Variants in ZNF385A observed in about 807,000 individuals in gnomAD.
ZNF385A encodes zinc finger protein 385A, also known as hematopoietic zinc finger protein.
ZNF385A carries 14 observed loss-of-function variants against 32.1 expected under a neutral mutation model. The observed-to-expected ratio is 0.44, with a 90% CI of 0.29 to 0.68. The LOEUF (loss-of-function observed/expected upper bound fraction) is 0.68. Among genes scored for constraint, ZNF385A ranks in the 30% least tolerant of loss-of-function variants. The pLI is 0.14. For synonymous variants in ZNF385A, 197 were observed against 202.7 expected (o/e 0.97, Z 0.24); for missense variants, 406 against 478.4 (o/e 0.85, Z 1.41).
Position 54,370,481 on chromosome 12 carries a change from C to A in ZNF385A, c.876G>T (p.Thr292=). ...TGGGCAGCTCCTTGGAGAAAGTCAG[C>A]GTGCCCTGAAGCGGGCGAAAGGCGG... The part of the protein sequence containing the change: ...KSRGAGELAG[T]LTFSKELPKS... The change falls in exon 7 of 7, where the codon ACG becomes ACT. Residue 292 remains threonine, a synonymous_variant. Transcript: ENST00000394313. The surrounding 1 kb of genome is among the most constrained non-coding windows in gnomAD (Gnocchi z 5.5). 1.9e-6 allele frequency: 3 copies of A among 1,551,216 alleles called. 1 individual carries two copies. Among genetic ancestry groups the A allele is most frequent in the Middle Eastern group, 1.7e-4 (1 of 5,988 alleles).
upstream of ZNF385A, among the ~76,000 whole-genome samples, chr12:54,386,411 C>T (rs909137412): frequency 2.6e-5 from 4 of 151,944 alleles, no homozygotes; most frequent in Admixed American, 6.6e-5. Context: ...GCAGACAGAC[C>T]GAGAGACAGA....
chr12:54,375,770 G>C, intron 2 of ZNF385A, 74 bp downstream of exon 2: 1 of 1,288,004 alleles, frequency 7.8e-7, no homozygotes, highest in African/African-American at 1.5e-5. Context: ...TTCTCACCCA[G>C]CCTCTGCCCT....
At chr12:54,371,351 C>G (rs74089971) in intron 4 of ZNF385A, 122 bp downstream of exon 4, 3 of 1,349,872 alleles carry the variant, frequency 2.2e-6, no homozygotes, top group African/African-American at 2.9e-5. Flanking sequence ...GAGAAGGAGA[C>G]AGGCAGATAG....
In ZNF385A at chr12:54,378,453, G is replaced by A. The variant is rs1185609268; in HGVS notation, c.88-2499C>T. 2.0e-5 allele frequency among the ~76,000 whole-genome samples: 3 copies of A among 152,126 alleles called. No homozygotes were observed. The South Asian group carries it at 6.2e-4, about 31-fold the overall frequency. The stretch of plus-strand genomic sequence containing the variant: ...ACATGAAGGGGAACCGCTCCCTGAC[G>A]CTGGGGCAAAATGAATCAGGAAGGG... On this transcript the variant is annotated intron_variant, in intron 1 of 6. Transcript: ENST00000394313.
At position 54,370,137 on chromosome 12, in the gene ZNF385A, TGGGG is replaced by T; in HGVS notation, c.*115_*118del. On this transcript the variant is annotated 3_prime_UTR_variant, in exon 7 of 7. Transcript: ENST00000394313. This position sits in a 1 kb window ranked among gnomAD's most constrained non-coding sequence, Gnocchi z 5.5. ...TTTCCTGGAACCCCGTATCTCGGGG[TGGGG>T]GGGGGGAAGGAGAGATCATTTAGGG... 2.2e-6 allele frequency: 1 copy of T among 460,906 alleles called. No individual in the cohort carries two copies. The highest frequency in any genetic ancestry group is 3.2e-6 in the Non-Finnish European group (1 of 309,722). 28.6% of individuals were successfully genotyped at this position (460,906 alleles called of 1,614,324 possible).
At chr12:54,380,047 C>G (rs1261589303) in intron 1 of ZNF385A, among the ~76,000 whole-genome samples, 1 of 152,148 alleles carries the variant, frequency 6.6e-6, no homozygotes, top group Non-Finnish European at 1.5e-5. Context: ...CTTTGGGAAA[C>G]AGTGAGGGAC....
intron 1 of ZNF385A, among the ~76,000 whole-genome samples, chr12:54,390,494 G>A (rs1169241653): frequency 6.6e-6 from 1 of 152,048 alleles, no homozygotes; most frequent in African/African-American, 2.4e-5. Flanking sequence ...AGGGGTGGAG[G>A]GAGAAGAAGG....
At position 54,369,485 on chromosome 12, in the gene ZNF385A, GT is replaced by G; in HGVS notation, c.*770del. On this transcript the variant is annotated 3_prime_UTR_variant, in exon 7 of 7. Transcript: ENST00000394313. Reference sequence around the variant, plus strand: ...AGGCTTCTATTGCTTTTTGCTCACAGTTTTGCGGAAGGCGAGGCGGGGGTGG... The same window carrying G: ...AGGCTTCTATTGCTTTTTGCTCACAGTTTGCGGAAGGCGAGGCGGGGGTGG... 1 of 152,292 alleles carries G rather than the reference GT, an allele frequency of 6.6e-6. No homozygotes were observed. The highest frequency in any genetic ancestry group is 1.5e-5 in the Non-Finnish European group (1 of 67,968). 9.4% of individuals were successfully genotyped at this position (152,292 alleles called of 1,614,324 possible).
At chr12:54,379,249 G>A in intron 1 of ZNF385A, 1 of 973,102 alleles carries the variant, frequency 1.0e-6, no homozygotes, top group Non-Finnish European at 1.2e-6. Flanking sequence ...AGCCCGCCCC[G>A]GAGGCGGGGC....
rs761796622 is a variant in ZNF385A, at chr12:54,374,083, C to T, written c.251G>A (p.Gly84Asp). 6.3e-7 allele frequency: 1 copy of T among 1,598,072 alleles called. No individual in the cohort carries two copies. Among genetic ancestry groups the T allele is most frequent in the Admixed American group, 1.7e-5 (1 of 58,588 alleles). ...GCCTCTGGTCTTGGCAGCCTCAATG[C>T]CTTTGACTCGTCGGGCGTGGCGATT... ...KGNRHARRVK[G>D]IEAAKTRGRE... The change falls in exon 3 of 7, where the codon GGC becomes GAC. Residue 84 changes from glycine to aspartate, a missense_variant. Coordinates refer to ENST00000394313, the MANE Select transcript of ZNF385A (RefSeq NM_015481.3).
intron 1 of ZNF385A, among the ~76,000 whole-genome samples, chr12:54,380,421 G>A (rs1461375713): frequency 6.6e-6 from 1 of 152,198 alleles, no homozygotes; most frequent in African/African-American, 2.4e-5. Flanking sequence ...ACTGAACTGG[G>A]ATTTGAATTT....
chr12:54,372,942 G>C (rs1011906668), intron 3 of ZNF385A: 2 of 197,016 alleles, frequency 1.0e-5, no homozygotes, highest in African/African-American at 4.8e-5. Context: ...AGGAGGCTGA[G>C]GCAGGAGAAT....
rs1378372418 is a variant in ZNF385A, at chr12:54,369,694, C to T, written c.*562G>A. 1 of 152,842 alleles carries T rather than the reference C, an allele frequency of 6.5e-6. No individual in the cohort carries two copies. The highest frequency in any genetic ancestry group is 2.4e-5 in the African/African-American group (1 of 41,436). The allele number at this position is 152,842 out of a possible 1,614,324, so 9.5% of individuals were successfully genotyped here. On this transcript the variant is annotated 3_prime_UTR_variant, in exon 7 of 7. Coordinates refer to ENST00000394313, the MANE Select transcript of ZNF385A (RefSeq NM_015481.3). ...GCCCCCTGCAATGGGCCCGGCTAGA[C>T]CTGGGGCTAGGGCATGGTGCGGGGC... is the stretch of plus-strand genomic sequence containing the variant.
intron 1 of ZNF385A, among the ~76,000 whole-genome samples, chr12:54,378,440 A>C (rs1229701628): frequency 2.6e-5 from 4 of 152,176 alleles, no homozygotes. Flanking sequence ...ATGAAGGGGA[A>C]CCGCTCCCTG....
chr12:54,370,087 CCCCCCT>C lies in ZNF385A; in HGVS notation c.*163_*168del, dbSNP rs1954434410. The C allele has an allele frequency of 1.9e-6, 1 of 521,366 alleles. No individual in the cohort carries two copies. The highest frequency in any genetic ancestry group is 3.8e-5 in the Admixed American group (1 of 26,096). 32.3% of individuals were successfully genotyped at this position (521,366 alleles called of 1,614,324 possible). The stretch of plus-strand genomic sequence containing the variant: ...CTGGGGTGTTCCCCCCCTTCTGAAG[CCCCCCT>C]CCCCCGCTACCCCTCCCCTTTCCTG... On this transcript the variant is annotated 3_prime_UTR_variant, in exon 7 of 7. Transcript: ENST00000394313. The surrounding 1 kb of genome is among the most constrained non-coding windows in gnomAD (Gnocchi z 5.5).
intron 3 of ZNF385A, 133 bp from the exon 4 acceptor site, chr12:54,371,848 C>T: frequency 1.5e-6 from 2 of 1,305,376 alleles, no homozygotes; most frequent in Non-Finnish European, 2.1e-6. Context: ...CATGCATGCT[C>T]TCATGCCCTG....
chr12:54,381,551 G>A (rs139698463), intron 1 of ZNF385A: 1 of 152,292 alleles, frequency 6.6e-6, no homozygotes, highest in Non-Finnish European at 1.5e-5. Flanking sequence ...TATACAATGG[G>A]GACAATGATG....
rs1055277588 is a variant in ZNF385A at position 54,370,906 on chromosome 12, T to A, written c.774+21A>T. The A allele has an allele frequency of 5.6e-6, 9 of 1,614,030 alleles. No individual in the cohort carries two copies. The highest frequency in any genetic ancestry group is 7.6e-6 in the Non-Finnish European group (9 of 1,179,988). On this transcript the variant is annotated intron_variant, in intron 5 of 6. Coordinates refer to ENST00000394313, the MANE Select transcript of ZNF385A (RefSeq NM_015481.3). This position sits in a 1 kb window ranked among gnomAD's most constrained non-coding sequence, Gnocchi z 5.5. Reference sequence around the variant, plus strand: ...AGCGGGTGGAGCGTCCCAGAATTCCTGGGAAGGGCCTTAGACCCACCTGTT... The same window carrying A: ...AGCGGGTGGAGCGTCCCAGAATTCCAGGGAAGGGCCTTAGACCCACCTGTT...
chr12:54,383,425 C>G (rs535214158), intron 1 of ZNF385A, among the ~76,000 whole-genome samples: 1 of 152,244 alleles, frequency 6.6e-6, no homozygotes, highest in South Asian at 2.1e-4. Context: ...CCCTTTCTCT[C>G]CACTCATACT....
Sources: allele counts gnomAD v4.1 joint callset (sites outside exome capture counted in the v4.1 genomes callset), GRCh38; gene constraint gnomAD v4.1.1; non-coding constraint Gnocchi (gnomAD v3.1); transcripts MANE v1.5; gene names NCBI Gene and HGNC (gene_info 2026-07-23, HGNC 2026-07-21).